The following SERPINI1 variants were observed in gnomAD, a reference collection of about 807,000 sequenced individuals.
SERPINI1 encodes the protein serpin family I member 1, also known as neuroserpin.
In SERPINI1, 19 loss-of-function variants were observed where a neutral mutation model predicts 41.1. The observed-to-expected ratio is 0.46, with a 90% CI of 0.32 to 0.68. SERPINI1 has a LOEUF of 0.68. Ranked by LOEUF, SERPINI1 falls within the 30% of genes least tolerant of loss-of-function variation. SERPINI1 has a pLI of 0.03. For synonymous variants in SERPINI1, 138 were observed against 156.6 expected, an observed-to-expected ratio of 0.88 and a Z score of 0.89; for missense variants, 460 against 479.2, an observed-to-expected ratio of 0.96 and a Z score of 0.37.
At chr3:167,794,861 A>T in intron 5 of SERPINI1, 37 bp downstream of exon 5, 1 of 1,538,828 alleles carries the variant, frequency 6.5e-7, no homozygotes, top group South Asian at 1.1e-5. Flanking sequence ...CACAGCATGG[A>T]CGATGGGCTA....
intron 4 of SERPINI1, 26 bp downstream of exon 4, chr3:167,792,810 T>C: frequency 6.4e-7 from 1 of 1,554,340 alleles, no homozygotes; most frequent in Non-Finnish European, 8.9e-7. Flanking sequence ...CTTTTATTTC[T>C]CTCTTCTTGC....
intron 1 of SERPINI1, among the ~76,000 whole-genome samples, chr3:167,773,615 T>A (rs1446883733): frequency 1.3e-5 from 2 of 152,190 alleles, no homozygotes; most frequent in Non-Finnish European, 2.9e-5. Context: ...ATAAAAATTA[T>A]AAGTTGTCTT....
chr3:167,802,594 T>A (rs1429316598), intron 5 of SERPINI1, among the ~76,000 whole-genome samples: 101 of 151,420 alleles, frequency 6.7e-4, no homozygotes, highest in Non-Finnish European at 1.3e-3. Context: ...CTCACACCAG[T>A]TAGAATGGCA....
At chr3:167,764,097 C>G (rs1726479245) in intron 1 of SERPINI1, among the ~76,000 whole-genome samples, 1 of 151,872 alleles carries the variant, frequency 6.6e-6, no homozygotes, top group Admixed American at 6.6e-5. Flanking sequence ...TAAATTGCAT[C>G]AATTATAATG....
chr3:167,758,157 G>A (rs1034250349), intron 1 of SERPINI1, among the ~76,000 whole-genome samples: 5 of 133,976 alleles, frequency 3.7e-5, no homozygotes, highest in South Asian at 2.4e-4. Context: ...GTGTGGATCC[G>A]GTGCCCTGTG....
At chr3:167,793,830 CCA>C (rs1727616816) in intron 4 of SERPINI1, among the ~76,000 whole-genome samples, 2 of 95,530 alleles carry the variant, frequency 2.1e-5, no homozygotes, top group Non-Finnish European at 4.0e-5. Context: ...TTCATTTTGG[CCA>C]TATGTATGTG....
At chr3:167,752,247 T>A (rs1577399827) in intron 1 of SERPINI1, among the ~76,000 whole-genome samples, 1 of 152,312 alleles carries the variant, frequency 6.6e-6, no homozygotes, top group East Asian at 1.9e-4. Flanking sequence ...AGACCTACAC[T>A]CTGAACTCTG....
At chr3:167,780,209 T>C (rs1368564668) in intron 1 of SERPINI1, among the ~76,000 whole-genome samples, 1 of 152,212 alleles carries the variant, frequency 6.6e-6, no homozygotes, top group Non-Finnish European at 1.5e-5. Flanking sequence ...CTTGATACTT[T>C]CATAGTGCAT....
At chr3:167,813,149 C>A (rs911015998) in intron 6 of SERPINI1, among the ~76,000 whole-genome samples, 8 of 152,202 alleles carry the variant, frequency 5.3e-5, no homozygotes, top group Admixed American at 3.9e-4. Flanking sequence ...TGTTTGTTCT[C>A]TTTCTTCTTG....
intron 1 of SERPINI1, among the ~76,000 whole-genome samples, chr3:167,762,904 A>C (rs978065319): frequency 1.3e-5 from 2 of 152,060 alleles, no homozygotes; most frequent in African/African-American, 4.8e-5. Flanking sequence ...TTTACGAACA[A>C]ATTGAATGCC....
chr3:167,822,755 G>A (rs1712380278), intron 6 of SERPINI1, among the ~76,000 whole-genome samples: 1 of 151,542 alleles, frequency 6.6e-6, no homozygotes, highest in African/African-American at 2.4e-5. Context: ...CATACATATG[G>A]GAAAACCACC....
rs532817459 is a variant in SERPINI1, at chr3:167,748,544, G to A, written c.-19+12721G>A. 3.4e-3 allele frequency among the ~76,000 whole-genome samples: 511 copies of A among 152,224 alleles called. 3 individuals carry two copies. The highest frequency in any genetic ancestry group is 5.1e-3 in the Non-Finnish European group (349 of 67,988). The stretch of plus-strand genomic sequence containing the variant: ...CAGATCTTGATTCAAGAGGGAAAAA[G>A]TAAATAGTCATGCAACATTAAAAAT... On this transcript the variant is annotated intron_variant, in intron 1 of 8. Transcript: ENST00000446050.
At chr3:167,780,280 A>G (rs1727079953) in intron 1 of SERPINI1, among the ~76,000 whole-genome samples, 1 of 152,154 alleles carries the variant, frequency 6.6e-6, no homozygotes, top group Admixed American at 6.5e-5. Context: ...AAGCATTTCA[A>G]AGAATACTGG....
intron 1 of SERPINI1, among the ~76,000 whole-genome samples, chr3:167,759,154 C>T (rs1415477966): frequency 6.6e-6 from 1 of 152,030 alleles, no homozygotes; most frequent in African/African-American, 2.4e-5. Flanking sequence ...AACTACTTTA[C>T]AAAGACAGAG....
chr3:167,744,659 T>A (rs1050424389), intron 1 of SERPINI1, among the ~76,000 whole-genome samples: 23 of 121,358 alleles, frequency 1.9e-4, no homozygotes, highest in African/African-American at 5.7e-4. Flanking sequence ...TATATATAAA[T>A]ATAAAAATAT....
At chr3:167,754,979 A>G (rs1726152802) in intron 1 of SERPINI1, among the ~76,000 whole-genome samples, 1 of 152,168 alleles carries the variant, frequency 6.6e-6, no homozygotes, top group Non-Finnish European at 1.5e-5. Flanking sequence ...GTTCACAGAT[A>G]TCTTTGATAG....
intron 1 of SERPINI1, among the ~76,000 whole-genome samples, chr3:167,772,402 G>A (rs1015670228): frequency 2.6e-5 from 4 of 152,128 alleles, no homozygotes; most frequent in South Asian, 2.1e-4. Context: ...AAATGTGACC[G>A]TACATCCCAA....
intron 6 of SERPINI1, among the ~76,000 whole-genome samples, chr3:167,817,323 T>G (rs980657138): frequency 1.3e-5 from 2 of 152,102 alleles, no homozygotes; most frequent in Admixed American, 6.5e-5. Flanking sequence ...TATTGTTGGG[T>G]TTTTTTCATT....
In SERPINI1 at chr3:167,767,213, T is replaced by C. The variant is rs144820879; in HGVS notation, c.-18-21898T>C. 2.0e-5 allele frequency among the ~76,000 whole-genome samples: 3 copies of C among 152,346 alleles called. No homozygotes were observed. In the East Asian group the frequency reaches 5.8e-4, roughly 29 times the overall value. ...ATAATCTTAGGGCACTTAAGAATTATGCTAAATCTACTCTGCCTGTGCTCT... is the reference window on the plus strand; with the variant it reads ...ATAATCTTAGGGCACTTAAGAATTACGCTAAATCTACTCTGCCTGTGCTCT... On this transcript the variant is annotated intron_variant, in intron 1 of 8. Coordinates refer to ENST00000446050, the MANE Select transcript of SERPINI1 (RefSeq NM_001122752.2).
Sources: allele counts gnomAD v4.1 joint callset (sites outside exome capture counted in the v4.1 genomes callset), GRCh38; gene constraint gnomAD v4.1.1; transcripts MANE v1.5; gene names NCBI Gene and HGNC (gene_info 2026-07-23, HGNC 2026-07-21).